The following LRRC4C variants were observed in gnomAD, a reference collection of about 807,000 sequenced individuals.
The protein encoded by LRRC4C is leucine rich repeat containing 4C, also known as leucine-rich repeat-containing protein 4C.
LRRC4C carries 5 observed loss-of-function variants against 33.6 expected under a neutral mutation model. That is an observed-to-expected ratio of 0.15 (90% CI 0.08 to 0.31). The LOEUF (loss-of-function observed/expected upper bound fraction) is 0.31. Ranked by LOEUF, LRRC4C falls within the 10% of genes least tolerant of loss-of-function variation. The probability of loss-of-function intolerance (pLI) is 1.00; values close to 1 mark genes in which losing one functional copy is unlikely to be tolerated. For synonymous variants in LRRC4C, 329 were observed against 302.0 expected, an observed-to-expected ratio of 1.09 and a Z score of -0.93; for missense variants, 560 against 796.7, an observed-to-expected ratio of 0.70 and a Z score of 3.58.
intron 1 of LRRC4C, among the ~76,000 whole-genome samples, chr11:41,150,946 A>G (rs1243469758): frequency 2.0e-5 from 3 of 152,124 alleles, no homozygotes; most frequent in African/African-American, 7.2e-5. Context: ...TAATTCAACC[A>G]CTGAGGGATG....
Position 41,110,667 on chromosome 11 carries a change from A to T in LRRC4C, c.-495-176944T>A, listed in dbSNP as rs548826237. On this transcript the variant is annotated intron_variant, in intron 1 of 6. Transcript: ENST00000528697. ...TACGTTTTGCAAGTTTTATTAACCA[A>T]TTTCAAAGATATATTTTCATAGGGT... Among the ~76,000 whole-genome samples, 11 of 152,142 alleles carry T rather than the reference A, an allele frequency of 7.2e-5. No individual in the cohort carries two copies. The South Asian group carries it at 2.3e-3, about 32-fold the overall frequency.
At chr11:40,922,356 T>C (rs1445170684) in intron 2 of LRRC4C, among the ~76,000 whole-genome samples, 1 of 152,210 alleles carries the variant, frequency 6.6e-6, no homozygotes, top group Non-Finnish European at 1.5e-5. Context: ...ATAAGTTATC[T>C]CTTAAACCAT....
chr11:40,549,014 A>T (rs894829687), intron 3 of LRRC4C, among the ~76,000 whole-genome samples: 5 of 152,172 alleles, frequency 3.3e-5, no homozygotes, highest in African/African-American at 1.2e-4. Context: ...TAGTTAAAGC[A>T]TTAAGGTTCA....
chr11:41,067,800 T>G (rs1380722877), intron 1 of LRRC4C, among the ~76,000 whole-genome samples: 1 of 152,178 alleles, frequency 6.6e-6, no homozygotes, highest in African/African-American at 2.4e-5. Flanking sequence ...TGCTCCTGAA[T>G]GACTTGGGGG....
chr11:41,225,916 C>A (rs976510188), intron 1 of LRRC4C, among the ~76,000 whole-genome samples: 3 of 152,122 alleles, frequency 2.0e-5, no homozygotes, highest in African/African-American at 7.2e-5. Context: ...CCATGCCACT[C>A]ACCTCAACAG....
chr11:40,229,547 A>G (rs964158110), intron 5 of LRRC4C, among the ~76,000 whole-genome samples: 56 of 152,312 alleles, frequency 3.7e-4, no homozygotes, highest in African/African-American at 1.3e-3. Context: ...GGCTGGGATT[A>G]CAGGTGTGAG....
At chr11:41,189,281 T>C (rs907476345) in intron 1 of LRRC4C, among the ~76,000 whole-genome samples, 4 of 152,086 alleles carry the variant, frequency 2.6e-5, no homozygotes, top group Non-Finnish European at 5.9e-5. Flanking sequence ...GTCTGAGAAA[T>C]CCTTTCTGAG....
chr11:40,334,493 G>T (rs185521374), intron 3 of LRRC4C, among the ~76,000 whole-genome samples: 2 of 152,240 alleles, frequency 1.3e-5, no homozygotes, highest in African/African-American at 4.8e-5. Context: ...GGGGAAGAAG[G>T]TAATTACATT....
intron 3 of LRRC4C, among the ~76,000 whole-genome samples, chr11:40,629,097 CAT>C: frequency 6.6e-6 from 1 of 152,200 alleles, no homozygotes. Flanking sequence ...GCAATTAAAA[CAT>C]GTTTATTATT....
chr11:41,369,735 A>G (rs1952675029), intron 1 of LRRC4C, among the ~76,000 whole-genome samples: 1 of 151,770 alleles, frequency 6.6e-6, no homozygotes, highest in African/African-American at 2.4e-5. Context: ...CAGAATGCTC[A>G]TATAAGGAAC....
chr11:41,442,656 A>T (rs1163255217), intron 1 of LRRC4C, among the ~76,000 whole-genome samples: 1 of 151,460 alleles, frequency 6.6e-6, no homozygotes, highest in Non-Finnish European at 1.5e-5. Context: ...TTTTTAGTAG[A>T]GACGGGGTTT....
chr11:41,353,196 C>A (rs954973172), intron 1 of LRRC4C, among the ~76,000 whole-genome samples: 13 of 151,854 alleles, frequency 8.6e-5, no homozygotes, highest in African/African-American at 3.1e-4. Context: ...ATTACATTAC[C>A]ATCGACCCCA....
Position 40,958,286 on chromosome 11 carries a change from T to A in LRRC4C, c.-495-24563A>T, listed in dbSNP as rs934182720. 5.3e-5 allele frequency among the ~76,000 whole-genome samples: 8 copies of A among 151,918 alleles called. No homozygotes were observed. The East Asian group carries it at 1.6e-3, about 29-fold the overall frequency. On this transcript the variant is annotated intron_variant, in intron 1 of 6. Coordinates refer to ENST00000528697, the MANE Select transcript of LRRC4C (RefSeq NM_001258419.2). ...TTAATTAACTTCTTTATGCTCTCAC[T>A]TTTTTCAACTGTAAAATAGGGATGA...
chr11:41,315,114 A>G (rs1012413167), intron 1 of LRRC4C, among the ~76,000 whole-genome samples: 1 of 152,180 alleles, frequency 6.6e-6, no homozygotes, highest in African/African-American at 2.4e-5. Flanking sequence ...TTGGAGCCAA[A>G]TTGTCCTGGA....
At chr11:41,326,389 T>A (rs1951118762) in intron 1 of LRRC4C, among the ~76,000 whole-genome samples, 1 of 152,016 alleles carries the variant, frequency 6.6e-6, no homozygotes, top group Admixed American at 6.6e-5. Context: ...ACTCAAACTG[T>A]TTTCCTTGCT....
intron 1 of LRRC4C, among the ~76,000 whole-genome samples, chr11:41,370,727 A>G (rs1952715884): frequency 6.6e-6 from 1 of 152,102 alleles, no homozygotes; most frequent in Admixed American, 6.5e-5. Context: ...AATTTTTTGG[A>G]GAGACATGGT....
Position 40,571,835 on chromosome 11 carries a change from A to G in LRRC4C, c.-270+76307T>C, listed in dbSNP as rs186302548. ...AGGGCAAACTCAAAAGACCACTTTT[A>G]GAAGAAAAGGGGAGCTTAGCAAGTT... On this transcript the variant is annotated intron_variant, in intron 3 of 6. Coordinates refer to ENST00000528697, the MANE Select transcript of LRRC4C (RefSeq NM_001258419.2). 8.2e-4 allele frequency among the ~76,000 whole-genome samples: 125 copies of G among 152,320 alleles called. 1 individual carries two copies. The Middle Eastern group carries it at 0.01, about 12-fold the overall frequency.
At chr11:40,717,524 T>C (rs565433177) in intron 2 of LRRC4C, among the ~76,000 whole-genome samples, 24 of 152,164 alleles carry the variant, frequency 1.6e-4, no homozygotes, top group Non-Finnish European at 2.9e-4. Flanking sequence ...TAAACTACTC[T>C]TCCTGTTTTA....
At chr11:41,028,639 C>T (rs1856535604) in intron 1 of LRRC4C, among the ~76,000 whole-genome samples, 1 of 151,144 alleles carries the variant, frequency 6.6e-6, no homozygotes, top group Non-Finnish European at 1.5e-5. Context: ...CAAGTCTAAA[C>T]TCCACCTTGC....
Sources: allele counts gnomAD v4.1 joint callset (sites outside exome capture counted in the v4.1 genomes callset), GRCh38; gene constraint gnomAD v4.1.1; transcripts MANE v1.5; gene names NCBI Gene and HGNC (gene_info 2026-07-23, HGNC 2026-07-21).